The following CACNA1C variants were observed in gnomAD, a reference collection of about 807,000 sequenced individuals.
The protein encoded by CACNA1C is voltage-dependent L-type calcium channel subunit alpha-1C.
A neutral mutation model predicts 229.0 loss-of-function variants in CACNA1C; 30 were observed. The observed-to-expected ratio is 0.13, with a 90% CI of 0.10 to 0.18. CACNA1C has a LOEUF of 0.18. Ranked by LOEUF, CACNA1C falls within the 10% of genes least tolerant of loss-of-function variation. CACNA1C has a pLI of 1.00. For missense variants in CACNA1C, 1,658 were observed against 2,845.0 expected (o/e 0.58, Z 9.49); for synonymous variants, 1,114 against 1,132.5 (o/e 0.98, Z 0.33).
intron 3 of CACNA1C, among the ~76,000 whole-genome samples, chr12:2,122,110 T>C (rs544851716): frequency 4.7e-4 from 72 of 152,248 alleles, no homozygotes; most frequent in African/African-American, 1.7e-3. Flanking sequence ...GAGGGGCTCG[T>C]AGGAGAGGAC....
chr12:2,352,139 G>C (rs551098552), intron 3 of CACNA1C, among the ~76,000 whole-genome samples: 2 of 152,322 alleles, frequency 1.3e-5, no homozygotes, highest in South Asian at 2.1e-4. Context: ...TGTGAAGACA[G>C]ACAGTCTAGA....
At chr12:2,042,156 A>T (rs1325171930) in intron 1 of CACNA1C, among the ~76,000 whole-genome samples, 1 of 152,098 alleles carries the variant, frequency 6.6e-6, no homozygotes, top group East Asian at 1.9e-4. Flanking sequence ...TTTAACAGTC[A>T]AAGATTTTTC....
chr12:2,107,247 G>A (rs1182626820), intron 1 of CACNA1C, among the ~76,000 whole-genome samples: 2 of 136,048 alleles, frequency 1.5e-5, no homozygotes, highest in Non-Finnish European at 1.6e-5. Context: ...GCCACTGGGC[G>A]CCCACCCTGG....
chr12:2,170,807 T>C (rs777583947), intron 3 of CACNA1C, among the ~76,000 whole-genome samples: 56 of 152,204 alleles, frequency 3.7e-4, no homozygotes, highest in Non-Finnish European at 1.2e-4. Context: ...CAATACGCAT[T>C]AGAGGTCTGC....
Position 1,986,761 on chromosome 12 carries a change from T to C in CACNA1C, c.139+15560T>C, listed in dbSNP as rs139360718. 5.2e-3 allele frequency among the ~76,000 whole-genome samples: 799 copies of C among 152,264 alleles called. 10 individuals are homozygous for C. Among genetic ancestry groups the C allele is most frequent in the African/African-American group, 0.018 (757 of 41,558 alleles). On this transcript the variant is annotated intron_variant, in intron 1 of 46. Transcript: ENST00000682462. The stretch of plus-strand genomic sequence containing the variant: ...GAATAAAGCCAGGAACTCACCACCA[T>C]AGCAGTTTTTCTTCAAGTTCTGATT...
intron 39 of CACNA1C, 148 bp from the exon 40 acceptor site, chr12:2,676,946 T>C (rs556415498): frequency 2.2e-5 from 14 of 628,116 alleles, no homozygotes; most frequent in South Asian, 1.9e-4. Context: ...TGGTTTTTTT[T>C]CTCTCTTTTT....
chr12:2,300,944 C>T (rs1293404928), intron 3 of CACNA1C, among the ~76,000 whole-genome samples: 3 of 152,198 alleles, frequency 2.0e-5, no homozygotes, highest in Admixed American at 2.0e-4. Context: ...GGATGACGAG[C>T]AGCTGCCCTA....
intron 18 of CACNA1C, among the ~76,000 whole-genome samples, chr12:2,589,063 G>A (rs562005516): frequency 1.1e-4 from 16 of 152,270 alleles, no homozygotes; most frequent in African/African-American, 3.6e-4. Context: ...TTTCAGGATC[G>A]TACAATCATC....
chr12:2,270,173 T>A (rs2084240621), intron 3 of CACNA1C, among the ~76,000 whole-genome samples: 1 of 152,200 alleles, frequency 6.6e-6, no homozygotes. Context: ...TTTGTCTTGT[T>A]TAGCCAACTC....
At chr12:2,420,160 G>C (rs942302124) in intron 3 of CACNA1C, among the ~76,000 whole-genome samples, 6 of 131,424 alleles carry the variant, frequency 4.6e-5, no homozygotes, top group Non-Finnish European at 9.4e-5. Flanking sequence ...GGGGGAGGGA[G>C]CATTCAACAG....
chr12:2,576,758 C>T (rs4367998), intron 13 of CACNA1C, among the ~76,000 whole-genome samples: 4,403 of 152,136 alleles, frequency 0.029, 103 homozygotes, highest in Middle Eastern at 0.075. Flanking sequence ...AGTGGTTTCA[C>T]GTCACCCTAC....
intron 13 of CACNA1C, among the ~76,000 whole-genome samples, chr12:2,579,801 A>G (rs1331632633): frequency 6.6e-6 from 1 of 151,890 alleles, no homozygotes; most frequent in African/African-American, 2.4e-5. Context: ...CTGGTCTCAA[A>G]CTCCTGGCCT....
chr12:2,493,068 G>A lies in CACNA1C; in HGVS notation c.917-122G>A. ...TTTAAACATGTCTTGCGCTGTTGTT[G>A]CCATGGTTGCTTTGCCCATCCCATC... On this transcript the variant is annotated intron_variant, in intron 6 of 46. Transcript: ENST00000399655. This position sits in a 1 kb window ranked among gnomAD's most constrained non-coding sequence, Gnocchi z 4.6. The A allele has an allele frequency of 1.4e-6, 1 of 730,758 alleles. No homozygotes were observed. Among genetic ancestry groups the A allele is most frequent in the South Asian group, 1.7e-5 (1 of 57,434 alleles). 45.3% of individuals were successfully genotyped at this position (730,758 alleles called of 1,614,324 possible). A position where few individuals can be genotyped will look rare whatever the true frequency, so the allele number is the denominator to read the frequency against.
At chr12:2,194,747 C>G (rs1289068856) in intron 3 of CACNA1C, among the ~76,000 whole-genome samples, 1 of 152,278 alleles carries the variant, frequency 6.6e-6, no homozygotes, top group Non-Finnish European at 1.5e-5. Flanking sequence ...AGGAACGTTT[C>G]TCCCCAAAGT....
rs2090082818 is a variant in CACNA1C, at chr12:2,630,926, GGAGGGGGCTCCCATGGTCAAGAAA to G, written c.3829-3361_3829-3338del. Among the ~76,000 whole-genome samples the G allele has an allele frequency of 6.6e-6, 1 of 152,142 alleles. No individual in the cohort carries two copies. Among genetic ancestry groups the G allele is most frequent in the South Asian group, 2.1e-4 (1 of 4,820 alleles). ...TGAGAGCCAGCGTGGAGCCATGGGA[GGAGGGGGCTCCCATGGTCAAGAAA>G]GAGGGGGCTGTGCCTTCTGTCTGCA... On this transcript the variant is annotated intron_variant, in intron 29 of 46. Transcript: ENST00000399655. This position sits in a 1 kb window ranked among gnomAD's most constrained non-coding sequence, Gnocchi z 5.4.
At chr12:2,553,902 G>C (rs1364668958) in intron 10 of CACNA1C, among the ~76,000 whole-genome samples, 34 of 152,344 alleles carry the variant, frequency 2.2e-4, no homozygotes, top group Non-Finnish European at 1.5e-5. Context: ...CCGTGCAAGG[G>C]CAGGATGTGG....
rs137976929 is a variant in CACNA1C, at chr12:2,038,832, A to G, written c.139+67631A>G. ...TCCCCATGCAAGTCACTTCCTAGCA[A>G]TTCACTCCAATATTACAGCAACACC... On this transcript the variant is annotated intron_variant, in intron 1 of 46. Coordinates refer to the CACNA1C transcript ENST00000682462. 4.4e-3 allele frequency among the ~76,000 whole-genome samples: 666 copies of G among 152,080 alleles called. 2 individuals carry two copies. The highest frequency in any genetic ancestry group is 0.014 in the Middle Eastern group (4 of 294).
chr12:2,527,669 T>A (rs2099822965), intron 9 of CACNA1C, among the ~76,000 whole-genome samples: 1 of 152,214 alleles, frequency 6.6e-6, no homozygotes, highest in Non-Finnish European at 1.5e-5. Flanking sequence ...TCTCAATGAA[T>A]TTACTAATAT....
chr12:2,140,406 A>G (rs999758513), intron 3 of CACNA1C, among the ~76,000 whole-genome samples: 2 of 151,520 alleles, frequency 1.3e-5, no homozygotes, highest in South Asian at 4.2e-4. Flanking sequence ...TATTTGCTGA[A>G]TAAATAACTG....
Sources: allele counts gnomAD v4.1 joint callset (sites outside exome capture counted in the v4.1 genomes callset), GRCh38; gene constraint gnomAD v4.1.1; non-coding constraint Gnocchi (gnomAD v3.1); transcripts MANE v1.5; gene names NCBI Gene and HGNC (gene_info 2026-07-23, HGNC 2026-07-21).